The following SORCS1 variants were observed in gnomAD, a reference collection of about 807,000 sequenced individuals.
SORCS1 encodes the protein VPS10 domain-containing receptor SorCS1.
Under a neutral mutation model 146.1 loss-of-function variants are expected in SORCS1, and 60 were observed. The ratio of observed to expected loss-of-function variants is 0.41; its 90% CI spans 0.33 to 0.51. The LOEUF is 0.51. Ranked by LOEUF, SORCS1 falls within the 20% of genes least tolerant of loss-of-function variation. The pLI is 0.21. For synonymous variants in SORCS1, 637 were observed against 584.0 expected (o/e 1.09, Z -1.31); for missense variants, 1,352 against 1,487.6 (o/e 0.91, Z 1.50).
At chr10:106,943,134 G>A (rs927266972) in intron 2 of SORCS1, among the ~76,000 whole-genome samples, 10 of 152,152 alleles carry the variant, frequency 6.6e-5, no homozygotes, top group Admixed American at 5.9e-4. Flanking sequence ...CACTTCAGCT[G>A]AGCCAATGTC....
At chr10:106,725,968 G>C (rs1222808279) in intron 6 of SORCS1, among the ~76,000 whole-genome samples, 1 of 150,570 alleles carries the variant, frequency 6.6e-6, no homozygotes, top group Admixed American at 6.6e-5. Flanking sequence ...ATGAGAAAGA[G>C]ATAACACAGA....
intron 1 of SORCS1, among the ~76,000 whole-genome samples, chr10:107,152,500 G>T (rs1053490011): frequency 1.3e-5 from 2 of 152,164 alleles, no homozygotes; most frequent in Non-Finnish European, 2.9e-5. Flanking sequence ...CCTGGATGGG[G>T]ACCCCACACA....
Position 107,163,979 on chromosome 10 carries a change from T to G in SORCS1, c.548A>C (p.His183Pro), listed in dbSNP as rs776015562. The G allele has an allele frequency of 1.2e-6, 2 of 1,613,002 alleles. No individual in the cohort carries two copies. The highest frequency in any genetic ancestry group is 3.3e-5 in the Admixed American group (2 of 60,000). Residue 183 changes from histidine (H) to proline (P), a missense_variant, in exon 1 of 26, where the codon CAC becomes CCC. Coordinates refer to ENST00000263054, the MANE Select transcript of SORCS1 (RefSeq NM_052918.5). ...HNQAMVHWSG[H>P]NSSVILILTK... ...TCCCATTCTACTCACGCTGCTGTTGTGGCCAGACCAGTGGACCATGGCTTG... is the reference window on the plus strand; with the variant it reads ...TCCCATTCTACTCACGCTGCTGTTGGGGCCAGACCAGTGGACCATGGCTTG...
intron 9 of SORCS1, among the ~76,000 whole-genome samples, chr10:106,691,331 G>C (rs1383157741): frequency 6.6e-6 from 1 of 152,182 alleles, no homozygotes; most frequent in African/African-American, 2.4e-5. Flanking sequence ...TTTGGGAAAA[G>C]AATTGTTGCC....
At chr10:106,809,092 T>A (rs969671338) in intron 3 of SORCS1, among the ~76,000 whole-genome samples, 3 of 152,160 alleles carry the variant, frequency 2.0e-5, no homozygotes, top group Non-Finnish European at 4.4e-5. Context: ...AGTCTTTGCA[T>A]GATGATTTTC....
chr10:107,098,282 T>C (rs749974525), intron 1 of SORCS1, among the ~76,000 whole-genome samples: 6 of 152,174 alleles, frequency 3.9e-5, no homozygotes, highest in African/African-American at 4.8e-5. Context: ...ACTTAGCTCC[T>C]GAGTCTCACA....
intron 2 of SORCS1, among the ~76,000 whole-genome samples, chr10:106,844,653 C>T (rs1247156214): frequency 1.3e-5 from 2 of 149,140 alleles, no homozygotes; most frequent in Non-Finnish European, 3.0e-5. Context: ...CATATGTATA[C>T]ATGTGCCATG....
chr10:106,883,840 T>C (rs543625962), intron 2 of SORCS1, among the ~76,000 whole-genome samples: 65 of 152,344 alleles, frequency 4.3e-4, no homozygotes, highest in South Asian at 3.5e-3. Context: ...CACAGGTAAG[T>C]TGACCTTTCA....
At chr10:106,792,434 T>G (rs576743241) in intron 3 of SORCS1, among the ~76,000 whole-genome samples, 11 of 152,368 alleles carry the variant, frequency 7.2e-5, no homozygotes, top group Admixed American at 5.9e-4. Flanking sequence ...CATGACGTTT[T>G]TCATTTAAGC....
intron 10 of SORCS1, among the ~76,000 whole-genome samples, chr10:106,686,616 T>G (rs1190352010): frequency 6.6e-6 from 1 of 152,210 alleles, no homozygotes; most frequent in African/African-American, 2.4e-5. Flanking sequence ...CTGCTACATT[T>G]ACTTACTCTG....
At chr10:106,802,177 T>C (rs1946937141) in intron 3 of SORCS1, among the ~76,000 whole-genome samples, 1 of 152,174 alleles carries the variant, frequency 6.6e-6, no homozygotes, top group Admixed American at 6.5e-5. Flanking sequence ...AGAGCATACA[T>C]ACTGTAGGAG....
At chr10:107,027,807 TTA>T (rs1958475507) in intron 1 of SORCS1, among the ~76,000 whole-genome samples, 1 of 152,168 alleles carries the variant, frequency 6.6e-6, no homozygotes. Context: ...CTGTGGCAAA[TTA>T]TCTCTGTGGA....
intron 14 of SORCS1, among the ~76,000 whole-genome samples, chr10:106,674,656 T>C (rs1367349555): frequency 1.3e-5 from 2 of 152,140 alleles, no homozygotes; most frequent in East Asian, 1.9e-4. Flanking sequence ...TGCCTCACAA[T>C]TGGGTTAGGT....
At chr10:106,770,601 T>C (rs746484883) in intron 4 of SORCS1, among the ~76,000 whole-genome samples, 11 of 152,212 alleles carry the variant, frequency 7.2e-5, no homozygotes, top group Non-Finnish European at 1.3e-4. Flanking sequence ...ATGAGGTTTA[T>C]TTGTCCTATG....
chr10:106,702,177 C>T (rs540507133), intron 8 of SORCS1, among the ~76,000 whole-genome samples: 99 of 152,312 alleles, frequency 6.5e-4, no homozygotes, highest in African/African-American at 2.2e-3. Context: ...CTGTTCCTGC[C>T]TTGACAACCA....
intron 1 of SORCS1, among the ~76,000 whole-genome samples, chr10:107,137,118 T>C (rs994037703): frequency 1.3e-5 from 2 of 152,226 alleles, no homozygotes; most frequent in Non-Finnish European, 2.9e-5. Flanking sequence ...TCCCTTAATG[T>C]AGCTACCAGC....
intron 1 of SORCS1, among the ~76,000 whole-genome samples, chr10:107,149,680 G>A (rs1968612696): frequency 6.6e-6 from 1 of 152,180 alleles, no homozygotes; most frequent in African/African-American, 2.4e-5. Context: ...ATTTATCTCT[G>A]AGAAAATCAG....
chr10:106,634,398 G>C (rs1848612502), intron 18 of SORCS1, among the ~76,000 whole-genome samples: 1 of 152,190 alleles, frequency 6.6e-6, no homozygotes, highest in Non-Finnish European at 1.5e-5. Context: ...AGGACATCTA[G>C]GAGATAGAAA....
intron 6 of SORCS1, among the ~76,000 whole-genome samples, chr10:106,715,715 C>A (rs1855316805): frequency 6.6e-6 from 1 of 152,142 alleles, no homozygotes; most frequent in African/African-American, 2.4e-5. Flanking sequence ...TCAAGCTAAC[C>A]ACCTGTAAAG....
Sources: allele counts gnomAD v4.1 joint callset (sites outside exome capture counted in the v4.1 genomes callset), GRCh38; gene constraint gnomAD v4.1.1; transcripts MANE v1.5; gene names NCBI Gene and HGNC (gene_info 2026-07-23, HGNC 2026-07-21).